CDH23: variants seen among roughly 807,000 people sequenced by gnomAD.
CDH23 encodes the protein cadherin-23.
Under a neutral mutation model 317.1 loss-of-function variants are expected in CDH23, and 189 were observed. The ratio of observed to expected loss-of-function variants is 0.60; its 90% CI spans 0.53 to 0.67. The LOEUF is 0.67. Among genes scored for constraint, CDH23 ranks in the 30% least tolerant of loss-of-function variants. The pLI is 0.00. For missense variants in CDH23, 4,401 were observed against 4,592.4 expected, an observed-to-expected ratio of 0.96 and a Z score of 1.20; for synonymous variants, 1,839 against 1,876.8, an observed-to-expected ratio of 0.98 and a Z score of 0.52.
chr10:71,565,639 C>T (rs1199139630), intron 6 of CDH23, among the ~76,000 whole-genome samples: 1 of 152,170 alleles, frequency 6.6e-6, no homozygotes, highest in African/African-American at 2.4e-5. Flanking sequence ...GTCTGTGCCC[C>T]TCTAGGTTTC....
intron 6 of CDH23, 110 bp downstream of exon 6, chr10:71,511,322 C>T (rs1853971693): frequency 3.0e-6 from 3 of 1,014,004 alleles, no homozygotes; most frequent in Admixed American, 3.5e-5. Flanking sequence ...CTCTTCTGCC[C>T]AGACCTCAGC....
In CDH23 at chr10:71,740,988, G is replaced by C. The variant is rs778773513; in HGVS notation, c.4617+38G>C. On this transcript the variant is annotated intron_variant, in intron 37 of 69. Coordinates refer to ENST00000224721, the MANE Select transcript of CDH23 (RefSeq NM_022124.6). ...CCGGGGCCCATATAGCTGGACATAC[G>C]GGGGGACCGTGGGCACGAGCCAACC... 1.9e-5 allele frequency: 30 copies of C among 1,610,976 alleles called. No individual in the cohort carries two copies. In the African/African-American group the frequency reaches 3.1e-4, roughly 16 times the overall value.
intron 60 of CDH23, among the ~76,000 whole-genome samples, chr10:71,808,930 A>G (rs978166154): frequency 9.2e-5 from 14 of 151,962 alleles, no homozygotes; most frequent in African/African-American, 3.4e-4. Context: ...GCCACCCTTC[A>G]AGGTCTAGTT....
chr10:71,781,848 A>C (rs531584777), intron 41 of CDH23, among the ~76,000 whole-genome samples: 2 of 152,318 alleles, frequency 1.3e-5, no homozygotes, highest in East Asian at 3.9e-4. Context: ...GAAATGATCA[A>C]TGAAGGCCCA....
chr10:71,741,856 C>A lies in CDH23; in HGVS notation c.4780C>A (p.Arg1594Ser). 1 of 1,611,036 alleles carries A rather than the reference C, an allele frequency of 6.2e-7. No homozygotes were observed. The highest frequency in any genetic ancestry group is 8.5e-7 in the Non-Finnish European group (1 of 1,178,910). Residue 1594 changes from arginine to serine, a missense_variant, in exon 38 of 70, where the codon CGC (arginine) becomes AGC (serine). Arg to Ser is a moderately radical substitution (Grantham distance 110, BLOSUM62 -1). Coordinates refer to ENST00000224721, the MANE Select transcript of CDH23 (RefSeq NM_022124.6). ...CGCCACACGGCCTGCCCCGCCTGACCGCGAGCGCCAGAGCTTCTACCACCT... is the reference window on the plus strand; with the variant it reads ...CGCCACACGGCCTGCCCCGCCTGACAGCGAGCGCCAGAGCTTCTACCACCT... Reference protein sequence around the residue: ...EIATRPAPPDRERQSFYHLVA... With the variant: ...EIATRPAPPDSERQSFYHLVA...
At chr10:71,771,559 G>A (rs1662166377) in intron 38 of CDH23, among the ~76,000 whole-genome samples, 1 of 152,226 alleles carries the variant, frequency 6.6e-6, no homozygotes. Flanking sequence ...GGAGTTGGGT[G>A]AATATCTATT....
intron 11 of CDH23, chr10:71,622,823 G>C (rs528399560): frequency 2.3e-6 from 1 of 435,356 alleles, no homozygotes; most frequent in Non-Finnish European, 3.1e-6. Flanking sequence ...GAGAGGGATC[G>C]GGGTAGGGAT....
intron 30 of CDH23, 143 bp downstream of exon 30, chr10:71,725,663 C>T: frequency 4.0e-6 from 4 of 996,418 alleles, no homozygotes; most frequent in Non-Finnish European, 5.7e-6. Flanking sequence ...CCTAAGGGTT[C>T]GGTGACAGGT....
intron 28 of CDH23, chr10:71,714,836 C>G (rs879728975): frequency 1.3e-5 from 2 of 152,218 alleles, no homozygotes; most frequent in Non-Finnish European, 2.9e-5. Context: ...CTGACTGGGA[C>G]AGGAGCTGGG....
At chr10:71,729,812 T>G (rs768443654) in intron 30 of CDH23, among the ~76,000 whole-genome samples, 1 of 152,210 alleles carries the variant, frequency 6.6e-6, no homozygotes, top group East Asian at 1.9e-4. Context: ...AGGAGTGGCA[T>G]GGAGTGTGAA....
chr10:71,674,026 G>A (rs914542281), intron 14 of CDH23, among the ~76,000 whole-genome samples: 65 of 152,322 alleles, frequency 4.3e-4, no homozygotes, highest in African/African-American at 1.5e-3. Flanking sequence ...AGCATAAGCT[G>A]TGGGGATATT....
chr10:71,773,196 A>T (rs1589413204), intron 38 of CDH23, among the ~76,000 whole-genome samples: 1 of 152,168 alleles, frequency 6.6e-6, no homozygotes, highest in Admixed American at 6.5e-5. Flanking sequence ...TTGCCACTGC[A>T]CCCTGCCTAG....
rs80151909 is a variant in CDH23, at chr10:71,521,834, G to A, written c.429+10622G>A. 3.7e-3 allele frequency among the ~76,000 whole-genome samples: 557 copies of A among 152,290 alleles called. 2 individuals are homozygous for A. The highest frequency in any genetic ancestry group is 6.8e-3 in the Non-Finnish European group (465 of 68,014). On this transcript the variant is annotated intron_variant, in intron 6 of 69. Transcript: ENST00000224721. The stretch of plus-strand genomic sequence containing the variant: ...CCCACCCATCCGAGCTTCTAAACCC[G>A]CCTCCCAGGTGGGCCCTCTGCCTCT...
chr10:71,501,903 G>C (rs10823770), intron 3 of CDH23, among the ~76,000 whole-genome samples: 84,495 of 151,992 alleles, frequency 0.56, 24,175 homozygotes, highest in Non-Finnish European at 0.62. Flanking sequence ...GGCCATGGTG[G>C]GACAGTTGGA....
At chr10:71,687,120 C>T (rs933879184) in intron 18 of CDH23, among the ~76,000 whole-genome samples, 5 of 152,216 alleles carry the variant, frequency 3.3e-5, no homozygotes, top group Non-Finnish European at 5.9e-5. Context: ...AGGAATCTAG[C>T]TGTACCTGCC....
At chr10:71,704,842 C>T in intron 24 of CDH23, 69 bp from the exon 25 acceptor site, 1 of 1,260,736 alleles carries the variant, frequency 7.9e-7, no homozygotes, top group Non-Finnish European at 1.2e-6. Context: ...AGGAGGAGCA[C>T]TTCTTGGGGG....
At chr10:71,552,641 G>T (rs1184043582) in intron 6 of CDH23, among the ~76,000 whole-genome samples, 2 of 152,214 alleles carry the variant, frequency 1.3e-5, no homozygotes, top group Non-Finnish European at 2.9e-5. Flanking sequence ...GAACTAGAGT[G>T]CCTTGGATTT....
At chr10:71,709,031 G>T in intron 26 of CDH23, 67 bp from the exon 27 acceptor site, 3 of 1,435,628 alleles carry the variant, frequency 2.1e-6, no homozygotes, top group Non-Finnish European at 2.9e-6. Flanking sequence ...CTCAGGAGCA[G>T]AGTCCCCGCT....
intron 25 of CDH23, 56 bp from the exon 26 acceptor site, chr10:71,706,841 C>A: frequency 6.5e-7 from 1 of 1,538,784 alleles, no homozygotes; most frequent in Non-Finnish European, 8.8e-7. Context: ...TGCTCTGGAG[C>A]TGGGTCTTCT....
Sources: allele counts gnomAD v4.1 joint callset (sites outside exome capture counted in the v4.1 genomes callset), GRCh38; gene constraint gnomAD v4.1.1; transcripts MANE v1.5; gene names NCBI Gene and HGNC (gene_info 2026-07-23, HGNC 2026-07-21).